CTNND2: variants seen among roughly 807,000 people sequenced by gnomAD.
The protein encoded by CTNND2 is catenin delta-2.
A neutral mutation model predicts 144.4 loss-of-function variants in CTNND2; 22 were observed. The ratio of observed to expected loss-of-function variants is 0.15; its 90% CI spans 0.11 to 0.22. CTNND2 has a LOEUF of 0.22. CTNND2 is among the 10% of genes least tolerant of loss of function. The pLI, the probability that CTNND2 is intolerant of heterozygous loss-of-function variation, is 1.00. For missense variants in CTNND2, 1,353 were observed against 1,618.8 expected (o/e 0.84, Z 2.82); for synonymous variants, 751 against 695.6 (o/e 1.08, Z -1.25).
chr5:11,577,975 G>T (rs752253246), intron 2 of CTNND2, among the ~76,000 whole-genome samples: 2 of 152,146 alleles, frequency 1.3e-5, no homozygotes, highest in Admixed American at 6.5e-5. Flanking sequence ...GAGCTTTTCC[G>T]TAATTAGGCA....
At chr5:11,300,228 C>T (rs908807160) in intron 9 of CTNND2, among the ~76,000 whole-genome samples, 6 of 152,114 alleles carry the variant, frequency 3.9e-5, no homozygotes, top group African/African-American at 1.2e-4. Flanking sequence ...CCAGCAGAAA[C>T]AGCTAGGAGA....
At chr5:11,195,020 G>T (rs1736713317) in intron 11 of CTNND2, among the ~76,000 whole-genome samples, 1 of 152,048 alleles carries the variant, frequency 6.6e-6, no homozygotes, top group South Asian at 2.1e-4. Context: ...AAATACAAGA[G>T]AAATAATCCA....
chr5:11,696,801 G>T (rs1183832301), intron 2 of CTNND2, among the ~76,000 whole-genome samples: 1 of 152,146 alleles, frequency 6.6e-6, no homozygotes, highest in Non-Finnish European at 1.5e-5. Context: ...ATTAGCAACT[G>T]ACATGCTGCA....
chr5:11,181,685 G>C, intron 11 of CTNND2, among the ~76,000 whole-genome samples: 3 of 151,408 alleles, frequency 2.0e-5, no homozygotes, highest in African/African-American at 7.3e-5. Context: ...GTGTGTGTCT[G>C]TGTGGTGTGT....
At chr5:11,715,287 C>T (rs73043427) in intron 2 of CTNND2, among the ~76,000 whole-genome samples, 3,682 of 152,184 alleles carry the variant, frequency 0.024, 140 homozygotes, top group African/African-American at 0.081. Flanking sequence ...ATTGAAATCA[C>T]GAAGCATTAC....
chr5:11,500,030 C>A (rs908801894), intron 3 of CTNND2, among the ~76,000 whole-genome samples: 12 of 151,978 alleles, frequency 7.9e-5, no homozygotes, highest in African/African-American at 2.9e-4. Context: ...GAGTGAGGGC[C>A]TGTAAGAATC....
At chr5:10,981,524 G>A (rs753645712) in intron 21 of CTNND2, among the ~76,000 whole-genome samples, 3 of 152,052 alleles carry the variant, frequency 2.0e-5, no homozygotes, top group Non-Finnish European at 4.4e-5. Context: ...CTTGCTTTCT[G>A]CACCAGATCA....
At chr5:11,705,774 C>T (rs1329374785) in intron 2 of CTNND2, among the ~76,000 whole-genome samples, 1 of 152,192 alleles carries the variant, frequency 6.6e-6, no homozygotes, top group Admixed American at 6.5e-5. Context: ...AGAGTGTCCA[C>T]ACTTTTATGC....
chr5:11,373,680 G>A (rs1276130268), intron 7 of CTNND2, among the ~76,000 whole-genome samples: 2 of 152,170 alleles, frequency 1.3e-5, no homozygotes, highest in East Asian at 1.9e-4. Flanking sequence ...ATCTCTGGAT[G>A]GCCAGGGGTC....
At chr5:11,465,219 T>G (rs1581253742) in intron 3 of CTNND2, among the ~76,000 whole-genome samples, 1 of 152,178 alleles carries the variant, frequency 6.6e-6, no homozygotes, top group African/African-American at 2.4e-5. Context: ...AGTATTAAAA[T>G]ATTTTCCAAA....
At chr5:11,422,716 A>G (rs1762471521) in intron 3 of CTNND2, among the ~76,000 whole-genome samples, 2 of 152,228 alleles carry the variant, frequency 1.3e-5, no homozygotes, top group South Asian at 4.1e-4. Flanking sequence ...AATTAGCCAG[A>G]GGCTCAGTCA....
At chr5:11,532,399 T>C (rs1367535287) in intron 3 of CTNND2, among the ~76,000 whole-genome samples, 1 of 151,756 alleles carries the variant, frequency 6.6e-6, no homozygotes, top group Non-Finnish European at 1.5e-5. Flanking sequence ...ATAATGTTTA[T>C]TGGAAACATA....
chr5:11,600,174 TTACAGAATTACATACCTATGCTAA>T (rs1779710859), intron 2 of CTNND2, among the ~76,000 whole-genome samples: 1 of 152,200 alleles, frequency 6.6e-6, no homozygotes, highest in Admixed American at 6.6e-5. Flanking sequence ...ATTTACCTGC[TTACAGAATTACATACCTATGCTAA>T]TACAGCAAGT....
At chr5:11,819,092 T>C (rs1352815689) in intron 1 of CTNND2, among the ~76,000 whole-genome samples, 2 of 152,134 alleles carry the variant, frequency 1.3e-5, no homozygotes, top group East Asian at 1.9e-4. Flanking sequence ...ATCTGTACAG[T>C]AGACATTCAA....
intron 1 of CTNND2, among the ~76,000 whole-genome samples, chr5:11,837,063 CTTG>C (rs1267333509): frequency 6.6e-6 from 1 of 152,190 alleles, no homozygotes; most frequent in Non-Finnish European, 1.5e-5. Context: ...GGATCTGGTA[CTTG>C]TTGTTTTCTG....
chr5:11,260,256 C>T (rs1235317304), intron 9 of CTNND2, among the ~76,000 whole-genome samples: 1 of 152,150 alleles, frequency 6.6e-6, no homozygotes, highest in Non-Finnish European at 1.5e-5. Context: ...AATGTTGTTT[C>T]CTGGTGTTTA....
At chr5:11,496,869 G>A (rs1770001893) in intron 3 of CTNND2, among the ~76,000 whole-genome samples, 1 of 151,902 alleles carries the variant, frequency 6.6e-6, no homozygotes, top group Admixed American at 6.5e-5. Flanking sequence ...AGCAGGACTG[G>A]TGACATGGTG....
In CTNND2 at chr5:11,384,576, C is replaced by T. The variant is rs922806394; in HGVS notation, c.1177+89G>A. On this transcript the variant is annotated intron_variant, in intron 7 of 21. Transcript: ENST00000304623. The surrounding 1 kb of genome is among the most constrained non-coding windows in gnomAD (Gnocchi z 5.2). ...ACTACAACCTGGCAGACAGCGCGCC[C>T]GGCTTCGCTTCTGCTCAAGCCGGGC... 9 of 1,285,050 alleles carry T rather than the reference C, an allele frequency of 7.0e-6. No homozygotes were observed. Among genetic ancestry groups the T allele is most frequent in the East Asian group, 2.5e-5 (1 of 39,432 alleles). 79.6% of individuals were successfully genotyped at this position (1,285,050 alleles called of 1,614,324 possible).
At chr5:11,611,084 C>T (rs977153919) in intron 2 of CTNND2, among the ~76,000 whole-genome samples, 4 of 152,066 alleles carry the variant, frequency 2.6e-5, no homozygotes, top group Non-Finnish European at 5.9e-5. Flanking sequence ...CGGACAGTTA[C>T]CCCTCATGCT....
Sources: gnomAD v4.1 joint callset for allele counts (sites outside exome capture counted in the v4.1 genomes callset) on GRCh38, gnomAD v4.1.1 for gene constraint, Gnocchi (gnomAD v3.1) non-coding constraint, MANE v1.5 for transcripts, NCBI Gene and HGNC (gene_info 2026-07-23, HGNC 2026-07-21) for gene names.